The following AP3D1 variants were observed in gnomAD, a reference collection of about 807,000 sequenced individuals.
AP3D1 encodes the protein adaptor related protein complex 3 subunit delta 1, also known as AP-3 complex subunit delta-1.
Under a neutral mutation model 147.6 loss-of-function variants are expected in AP3D1, and 51 were observed. The observed-to-expected ratio is 0.35, with a 90% CI of 0.28 to 0.44. The LOEUF (loss-of-function observed/expected upper bound fraction) is 0.44. Among genes scored for constraint, AP3D1 ranks in the 20% least tolerant of loss-of-function variants. AP3D1 has a pLI of 1.00. For synonymous variants in AP3D1, 760 were observed against 663.0 expected (o/e 1.15, Z -2.25); for missense variants, 1,421 against 1,624.2 (o/e 0.87, Z 2.15).
Position 2,118,660 on chromosome 19 carries a change from G to A in AP3D1, c.1654C>T (p.Leu552Phe), listed in dbSNP as rs1430952991. Residue 552 changes from leucine to phenylalanine, a missense_variant, in exon 15 of 32, where the codon CTC becomes TTC. Physicochemically the swap from Leu to Phe is conservative, Grantham distance 22 (BLOSUM62 0). Coordinates refer to ENST00000643116, the MANE Select transcript of AP3D1 (RefSeq NM_001261826.3). Reference sequence around the variant, plus strand: ...AACTGGGGCAGCCGGTCCACCATGAGCTGGGTGACGGCCTGAGCGCCCTCT... The same window carrying A: ...AACTGGGGCAGCCGGTCCACCATGAACTGGGTGACGGCCTGAGCGCCCTCT... Reference protein sequence around the residue: ...EAEGAQAVTQLMVDRLPQFVQ... With the variant: ...EAEGAQAVTQFMVDRLPQFVQ... 6.2e-7 allele frequency: 1 copy of A among 1,612,824 alleles called. No individual in the cohort carries two copies. Among genetic ancestry groups the A allele is most frequent in the Non-Finnish European group, 8.5e-7 (1 of 1,180,016 alleles).
chr19:2,126,002 C>T (rs115340734), intron 9 of AP3D1, among the ~76,000 whole-genome samples: 153 of 152,140 alleles, frequency 1.0e-3, no homozygotes, highest in African/African-American at 3.3e-3. Flanking sequence ...CAAAAAATTA[C>T]CTGGGTGGGG....
chr19:2,105,302 T>G (rs1219795608), intron 31 of AP3D1, among the ~76,000 whole-genome samples: 1 of 152,168 alleles, frequency 6.6e-6, no homozygotes, highest in Admixed American at 6.5e-5. Flanking sequence ...TGCAGCACTG[T>G]GACATGTTCA....
At chr19:2,138,460 C>A (rs796748392) in intron 2 of AP3D1, among the ~76,000 whole-genome samples, 159 bp downstream of exon 2, 1 of 152,204 alleles carries the variant, frequency 6.6e-6, no homozygotes, top group African/African-American at 2.4e-5. Flanking sequence ...ACCAACATGG[C>A]TTTCTGCTCC....
rs2018907550 is a variant in AP3D1, at chr19:2,130,461, G to A, written c.539C>T (p.Ser180Leu). The A allele has an allele frequency of 6.2e-6, 10 of 1,613,950 alleles. No homozygotes were observed. Among genetic ancestry groups the A allele is most frequent in the African/African-American group, 1.3e-5 (1 of 74,936 alleles). The change falls in exon 6 of 32, where the codon TCG becomes TTG. Residue 180 changes from serine to leucine, a missense_variant. Physicochemically the swap from Ser to Leu is moderately radical, Grantham distance 145. Coordinates refer to ENST00000643116, the MANE Select transcript of AP3D1 (RefSeq NM_001261826.3). ...CAGCCGGGGAAAGGCAGGGCGCAGC[G>A]ACTCGGGGTACTTCAGGAACACCTT... is the stretch of plus-strand genomic sequence containing the variant. ...MYKVFLKYPE[S>L]LRPAFPRLKE...
At chr19:2,142,603 G>A (rs1277815697) in intron 1 of AP3D1, among the ~76,000 whole-genome samples, 3 of 152,214 alleles carry the variant, frequency 2.0e-5, no homozygotes, top group Admixed American at 6.5e-5. Flanking sequence ...TGAGCCCTTG[G>A]CACATCCCAC....
intron 31 of AP3D1, among the ~76,000 whole-genome samples, chr19:2,106,066 C>T (rs189498641): frequency 1.3e-3 from 205 of 152,072 alleles, no homozygotes; most frequent in Admixed American, 3.0e-3. Context: ...GCACTCCAGC[C>T]TGGGCGACAG....
At chr19:2,135,127 G>A (rs1207986168) in intron 4 of AP3D1, among the ~76,000 whole-genome samples, 8 of 152,068 alleles carry the variant, frequency 5.3e-5, no homozygotes, top group Non-Finnish European at 1.2e-4. Context: ...CTTGAACCTG[G>A]GAGGCAGAGG....
At chr19:2,102,381 G>A in intron 31 of AP3D1, 113 bp from the exon 32 acceptor site, 1 of 859,694 alleles carries the variant, frequency 1.2e-6, no homozygotes, top group Non-Finnish European at 1.9e-6. Flanking sequence ...ATCACCTGAG[G>A]TCAGGAGTTC....
At chr19:2,156,254 AT>A (rs2019644597), upstream of AP3D1, among the ~76,000 whole-genome samples, 1 of 152,044 alleles carries the variant, frequency 6.6e-6, no homozygotes, top group African/African-American at 2.4e-5. Context: ...AGATGGGGAC[AT>A]TTGTCATCAG....
At chr19:2,128,467 G>A (rs1390941195) in intron 8 of AP3D1, among the ~76,000 whole-genome samples, 150 of 70,808 alleles carry the variant, frequency 2.1e-3, no homozygotes, top group Middle Eastern at 6.8e-3. Context: ...GAGCCGGCCC[G>A]CCCCCGCCGC....
intron 1 of AP3D1, among the ~76,000 whole-genome samples, chr19:2,149,543 C>A (rs867383738): frequency 7.6e-4 from 87 of 114,978 alleles, no homozygotes; most frequent in Admixed American, 1.1e-3. Context: ...AACTCCGTCT[C>A]AAAAAAAAAA....
At chr19:2,115,746 C>T (rs1426195654) in intron 18 of AP3D1, 133 bp from the exon 19 acceptor site, 20 of 916,070 alleles carry the variant, frequency 2.2e-5, no homozygotes, top group African/African-American at 8.4e-5. Flanking sequence ...AGCCCTGGGC[C>T]GCGAGGAGCG....
intron 10 of AP3D1, 97 bp downstream of exon 10, chr19:2,123,733 C>T: frequency 7.0e-7 from 1 of 1,433,668 alleles, no homozygotes; most frequent in Non-Finnish European, 9.5e-7. Context: ...GTGGGGGGAC[C>T]AGCACCTTGG....
intron 9 of AP3D1, among the ~76,000 whole-genome samples, chr19:2,125,456 C>T (rs1448422509): frequency 6.6e-6 from 1 of 152,148 alleles, no homozygotes; most frequent in African/African-American, 2.4e-5. Flanking sequence ...GTCGGGATTA[C>T]AGGCGCCCGA....
intron 27 of AP3D1, 29 bp downstream of exon 27, chr19:2,110,678 G>A: frequency 1.3e-6 from 2 of 1,554,112 alleles, no homozygotes; most frequent in Non-Finnish European, 8.7e-7. Flanking sequence ...ACAGTCCCCA[G>A]GAGAGGCCGT....
chr19:2,145,936 G>T (rs910057167), intron 1 of AP3D1, among the ~76,000 whole-genome samples: 2 of 152,244 alleles, frequency 1.3e-5, no homozygotes, highest in Non-Finnish European at 2.9e-5. Flanking sequence ...TGACACTACA[G>T]CTGCACCCCC....
chr19:2,147,085 C>T (rs2019375664), intron 1 of AP3D1, among the ~76,000 whole-genome samples: 1 of 152,222 alleles, frequency 6.6e-6, no homozygotes, highest in South Asian at 2.1e-4. Context: ...TGGCTCACGC[C>T]TGTCATCCCA....
intron 1 of AP3D1, among the ~76,000 whole-genome samples, chr19:2,146,635 A>G (rs2019364397): frequency 6.6e-6 from 1 of 150,882 alleles, no homozygotes; most frequent in Admixed American, 6.6e-5. Flanking sequence ...AAAGCCGTAC[A>G]ATGTCCTATG....
rs923729053 is a variant in AP3D1, at chr19:2,142,447, G to C, written c.97-3733C>G. 2.6e-5 allele frequency among the ~76,000 whole-genome samples: 4 copies of C among 152,316 alleles called. No individual in the cohort carries two copies. The East Asian group carries it at 7.7e-4, about 29-fold the overall frequency. On this transcript the variant is annotated intron_variant, in intron 1 of 31. Coordinates refer to ENST00000643116, the MANE Select transcript of AP3D1 (RefSeq NM_001261826.3). Reference sequence around the variant, plus strand: ...TTAAAGGTGTGAGCCACCGCACCTGGCTGGCGCTTTTTCTAGTTTTAAACT... The same window carrying C: ...TTAAAGGTGTGAGCCACCGCACCTGCCTGGCGCTTTTTCTAGTTTTAAACT...
Sources: allele counts gnomAD v4.1 joint callset (sites outside exome capture counted in the v4.1 genomes callset), GRCh38; gene constraint gnomAD v4.1.1; transcripts MANE v1.5; gene names NCBI Gene and HGNC (gene_info 2026-07-23, HGNC 2026-07-21).